Variants in IL17REL observed in about 807,000 individuals in gnomAD.
The protein encoded by IL17REL is interleukin 17 receptor E like.
In IL17REL, 36 loss-of-function variants were observed where a neutral mutation model predicts 49.0. The observed-to-expected ratio is 0.73, with a 90% CI of 0.56 to 0.97. The LOEUF (loss-of-function observed/expected upper bound fraction) is 0.97, where lower values mean the gene tolerates loss of function less well. IL17REL is among the 50% of genes least tolerant of loss of function. The probability of loss-of-function intolerance (pLI) is 0.00; values close to 1 mark genes in which losing one functional copy is unlikely to be tolerated. For missense variants in IL17REL, 470 were observed against 453.9 expected (o/e 1.04, Z -0.32); for synonymous variants, 206 against 192.4 (o/e 1.07, Z -0.58).
chr22:49,993,599 G>A (rs1057179297), downstream of IL17REL, among the ~76,000 whole-genome samples: 1 of 152,158 alleles, frequency 6.6e-6, no homozygotes, highest in African/African-American at 2.4e-5. The surrounding 1 kb of genome is among the most constrained non-coding windows in gnomAD (Gnocchi z 6.0). Context: ...TGTCTGGGAG[G>A]GACAGTAGGA....
chr22:49,999,124 C>T (rs572796126), intron 7 of IL17REL, among the ~76,000 whole-genome samples, 167 bp downstream of exon 9: 2 of 152,136 alleles, frequency 1.3e-5, no homozygotes, highest in Non-Finnish European at 2.9e-5. Context: ...TTATGCACAT[C>T]CACATCTGTG....
exon 13 of IL17REL, chr22:49,996,744 C>T (rs913341774): frequency 1.2e-5 from 5 of 432,216 alleles, no homozygotes; most frequent in South Asian, 7.8e-5. Flanking sequence ...CCCAGCCTGC[C>T]GTGGGAGGCC....
downstream of IL17REL, among the ~76,000 whole-genome samples, chr22:49,992,316 T>G (rs1276253762): frequency 1.3e-5 from 2 of 152,230 alleles, no homozygotes; most frequent in Non-Finnish European, 2.9e-5. Context: ...CTCGCTGCTC[T>G]TCCGTGAGGC....
chr22:49,992,248 C>T (rs1276291846), downstream of IL17REL, among the ~76,000 whole-genome samples: 1 of 152,144 alleles, frequency 6.6e-6, no homozygotes, highest in Admixed American at 6.5e-5. Context: ...TGCCAGGACA[C>T]CCCGAAGGCC....
chr22:49,995,750 C>T (rs1258168944), exon 13 of IL17REL: 2 of 152,470 alleles, frequency 1.3e-5, no homozygotes, highest in South Asian at 2.1e-4. Flanking sequence ...AGCAGCCTTC[C>T]ATCTGCAGGG....
intron 5 of IL17REL, 32 bp downstream of exon 7, chr22:49,999,791 CCTAAG>C (rs1189307626): frequency 6.9e-7 from 1 of 1,458,384 alleles, no homozygotes; most frequent in African/African-American, 1.5e-5. Flanking sequence ...GTGGGCGGGG[CCTAAG>C]GCTGACCGGG....
At chr22:50,010,759 G>A (rs2061135286), upstream of IL17REL, among the ~76,000 whole-genome samples, 1 of 150,940 alleles carries the variant, frequency 6.6e-6, no homozygotes, top group African/African-American at 2.5e-5. Context: ...CCCCGCCCCT[G>A]CCCCACGGCA....
rs1046734150 is a variant in IL17REL at position 50,001,198 on chromosome 22, G to A, written c.-8C>T. On this transcript the variant is annotated 5_prime_UTR_variant, in exon 2 of 13. Coordinates refer to ENST00000341280, the Ensembl canonical transcript of IL17REL. ...CAGGACTGACCTGGACATGGACACGGGGCGTGGCCGGCAGAAGCTGTTAAA... is the reference window on the plus strand; with the variant it reads ...CAGGACTGACCTGGACATGGACACGAGGCGTGGCCGGCAGAAGCTGTTAAA... The A allele has an allele frequency of 2.6e-6, 4 of 1,552,336 alleles. No homozygotes were observed. In the African/African-American group the frequency reaches 4.1e-5, roughly 16 times the overall value.
At chr22:49,997,286 C>G (rs909448960) in intron 11 of IL17REL, 34 bp downstream of exon 13, 1 of 1,596,748 alleles carries the variant, frequency 6.3e-7, no homozygotes, top group South Asian at 1.1e-5. Context: ...CCACCCCCAC[C>G]TCCCCAGGAT....
At chr22:49,999,851 C>T (rs2146745933) in exon 5 of IL17REL, 1 of 1,524,170 alleles carries the variant, frequency 6.6e-7, no homozygotes, top group East Asian at 2.7e-5. Flanking sequence ...CCGGCGTCCT[C>T]GCAGGTGAAC....
At chr22:50,001,840 G>A (rs1350528028) in intron 1 of IL17REL, among the ~76,000 whole-genome samples, 2 of 152,224 alleles carry the variant, frequency 1.3e-5, no homozygotes, top group Non-Finnish European at 2.9e-5. Context: ...AGAACTTCAC[G>A]TGAGCCACAG....
chr22:50,000,585 A>C, exon 4 of IL17REL: 7 of 1,613,278 alleles, frequency 4.3e-6, no homozygotes, highest in Non-Finnish European at 2.5e-6. Context: ...GCCAAAGTGC[A>C]CTTGGAGCTG....
downstream of IL17REL, among the ~76,000 whole-genome samples, chr22:49,993,365 G>A (rs926613241): frequency 6.6e-6 from 1 of 152,170 alleles, no homozygotes; most frequent in Admixed American, 6.5e-5. This position sits in a 1 kb window ranked among gnomAD's most constrained non-coding sequence, Gnocchi z 6.0. Context: ...CCCCCTTTCT[G>A]GGGCCCGGGG....
chr22:50,003,776 G>A lies in IL17REL; in HGVS notation c.-41-2545C>T, dbSNP rs765570265. 2.6e-5 allele frequency among the ~76,000 whole-genome samples: 4 copies of A among 152,138 alleles called. No individual in the cohort carries two copies. The East Asian group carries it at 5.8e-4, about 22-fold the overall frequency. On this transcript the variant is annotated intron_variant, in intron 1 of 12. Transcript: ENST00000341280. Reference sequence around the variant, plus strand: ...TATATGTAACATAACATTTCTCAGTGAAATAATAGATTATTTCCACCCCTC... The same window carrying A: ...TATATGTAACATAACATTTCTCAGTAAAATAATAGATTATTTCCACCCCTC...
downstream of IL17REL, among the ~76,000 whole-genome samples, chr22:49,992,315 C>T (rs1443996775): frequency 6.6e-6 from 1 of 152,272 alleles, no homozygotes; most frequent in Non-Finnish European, 1.5e-5. Context: ...TCTCGCTGCT[C>T]TTCCGTGAGG....
At chr22:49,994,331 A>C, downstream of IL17REL, among the ~76,000 whole-genome samples, 2 of 88,934 alleles carry the variant, frequency 2.2e-5, no homozygotes, top group Admixed American at 1.1e-4. Flanking sequence ...CCTCAAATCC[A>C]CTCCCAGAGA....
At chr22:50,001,194 C>T (rs368344696) in exon 2 of IL17REL, 9 of 1,582,498 alleles carry the variant, frequency 5.7e-6, no homozygotes, top group African/African-American at 5.4e-5. Flanking sequence ...TGGACATGGA[C>T]ACGGGGCGTG....
At chr22:50,002,500 T>C (rs565015033) in intron 1 of IL17REL, among the ~76,000 whole-genome samples, 39 of 147,548 alleles carry the variant, frequency 2.6e-4, no homozygotes, top group South Asian at 2.1e-3. Context: ...CTTTTCTTTT[T>C]TTTTTTTTTT....
At chr22:50,001,871 C>T (rs1367660946) in intron 1 of IL17REL, among the ~76,000 whole-genome samples, 1 of 152,234 alleles carries the variant, frequency 6.6e-6, no homozygotes, top group Non-Finnish European at 1.5e-5. Context: ...CCCAGCTGTT[C>T]CACAGGAGGA....
Sources: gnomAD v4.1 joint callset for allele counts (sites outside exome capture counted in the v4.1 genomes callset) on GRCh38, gnomAD v4.1.1 for gene constraint, Gnocchi (gnomAD v3.1) non-coding constraint, MANE v1.5 for transcripts, NCBI Gene and HGNC (gene_info 2026-07-23, HGNC 2026-07-21) for gene names.